The following DACH1 variants were observed in gnomAD, a reference collection of about 807,000 sequenced individuals.
DACH1 encodes dachshund homolog 1.
In DACH1, 12 loss-of-function variants were observed where a neutral mutation model predicts 54.2. The ratio of observed to expected loss-of-function variants is 0.22; its 90% CI spans 0.14 to 0.36. The LOEUF is 0.36. DACH1 is among the 10% of genes least tolerant of loss of function. The probability of loss-of-function intolerance (pLI) is 1.00; values close to 1 mark genes in which losing one functional copy is unlikely to be tolerated. For synonymous variants in DACH1, 386 were observed against 366.2 expected (o/e 1.05, Z -0.62); for missense variants, 805 against 929.8 (o/e 0.87, Z 1.75).
chr13:71,860,584 T>C (rs1042755022), intron 1 of DACH1, among the ~76,000 whole-genome samples: 1 of 151,864 alleles, frequency 6.6e-6, no homozygotes, highest in African/African-American at 2.4e-5. Context: ...GAAATCTAGA[T>C]GACTCACCTG....
chr13:71,852,364 C>CTTT (rs71748292), intron 1 of DACH1, among the ~76,000 whole-genome samples: 1 of 145,316 alleles, frequency 6.9e-6, no homozygotes, highest in Non-Finnish European at 1.5e-5. Context: ...TAAAGTGCTG[C>CTTT]TTTTTTTTTT....
chr13:71,513,528 G>A (rs1880938627), intron 6 of DACH1, among the ~76,000 whole-genome samples: 2 of 151,998 alleles, frequency 1.3e-5, no homozygotes, highest in South Asian at 4.1e-4. Flanking sequence ...GATTCAGTGT[G>A]TAATATGATG....
At chr13:71,537,089 C>T (rs1451861636) in intron 6 of DACH1, among the ~76,000 whole-genome samples, 2 of 152,066 alleles carry the variant, frequency 1.3e-5, no homozygotes, top group East Asian at 3.9e-4. Context: ...GATCACTTCC[C>T]TACCTCCCTG....
chr13:71,667,204 A>G (rs1215403555), intron 2 of DACH1, among the ~76,000 whole-genome samples: 1 of 152,178 alleles, frequency 6.6e-6, no homozygotes, highest in Non-Finnish European at 1.5e-5. Flanking sequence ...TACAGATAAA[A>G]GAAACATGGC....
At chr13:71,570,256 T>C (rs949384238) in intron 4 of DACH1, among the ~76,000 whole-genome samples, 1 of 152,196 alleles carries the variant, frequency 6.6e-6, no homozygotes, top group African/African-American at 2.4e-5. Context: ...TGTGGATGTC[T>C]TTAAGCATCT....
chr13:71,498,639 A>C lies in DACH1; in HGVS notation c.1571-9491T>G, dbSNP rs1404803088. Among the ~76,000 whole-genome samples the C allele has an allele frequency of 3.8e-5, 5 of 130,396 alleles. No homozygotes were observed. In the East Asian group the frequency reaches 1.2e-3, roughly 31 times the overall value. 85.5% of individuals were successfully genotyped at this position (130,396 alleles called of 152,430 possible). A position where few individuals can be genotyped will look rare whatever the true frequency, so the allele number is the denominator to read the frequency against. On this transcript the variant is annotated intron_variant, in intron 6 of 10. Coordinates refer to ENST00000613252, the MANE Select transcript of DACH1 (RefSeq NM_080759.6). ...GAAGAGATTCTGTTTAGATGATGTG[A>C]GTTGAAAGGGGAAAGAAGAAAAAAA...
In DACH1 at chr13:71,440,463, T is replaced by C. The variant is rs1873913055; in HGVS notation, c.*192A>G. The stretch of plus-strand genomic sequence containing the variant: ...TACAAACATTCTCAGGTCTCTGGTA[T>C]GAACCACAGGTGAAAATCAATGGAG... On this transcript the variant is annotated 3_prime_UTR_variant, in exon 11 of 11. Transcript: ENST00000613252. The C allele has an allele frequency of 1.3e-5, 7 of 519,408 alleles. No individual in the cohort carries two copies. The South Asian group carries it at 1.7e-4, about 13-fold the overall frequency. 32.2% of individuals were successfully genotyped at this position (519,408 alleles called of 1,614,324 possible). A position where few individuals can be genotyped will look rare whatever the true frequency, so the allele number is the denominator to read the frequency against.
intron 3 of DACH1, among the ~76,000 whole-genome samples, chr13:71,614,513 A>G (rs1875605367): frequency 6.6e-6 from 1 of 152,126 alleles, no homozygotes; most frequent in Non-Finnish European, 1.5e-5. Flanking sequence ...AAGTGACACC[A>G]AGGCTAAGGA....
At chr13:71,563,240 C>T (rs1317893551) in intron 4 of DACH1, among the ~76,000 whole-genome samples, 2 of 152,078 alleles carry the variant, frequency 1.3e-5, no homozygotes, top group Non-Finnish European at 2.9e-5. Context: ...CACATCAATG[C>T]TTATCTATCA....
At chr13:71,449,453 C>CTTAT (rs772459733) in intron 10 of DACH1, among the ~76,000 whole-genome samples, 40 of 152,022 alleles carry the variant, frequency 2.6e-4, no homozygotes, top group Non-Finnish European at 4.0e-4. Flanking sequence ...CATGTTCTCA[C>CTTAT]TTATAAGTGG....
At chr13:71,492,091 T>A (rs995839675) in intron 6 of DACH1, among the ~76,000 whole-genome samples, 1 of 152,210 alleles carries the variant, frequency 6.6e-6, no homozygotes, top group African/African-American at 2.4e-5. Flanking sequence ...TCTTGTTTTT[T>A]TTTGTTTTCT....
chr13:71,552,993 C>T (rs1883983776), intron 6 of DACH1, among the ~76,000 whole-genome samples: 2 of 147,554 alleles, frequency 1.4e-5, no homozygotes, highest in East Asian at 2.0e-4. Flanking sequence ...ACCAGCCTGG[C>T]CAACATCGTG....
chr13:71,478,569 T>C (rs1877773310), intron 8 of DACH1, among the ~76,000 whole-genome samples: 1 of 152,122 alleles, frequency 6.6e-6, no homozygotes, highest in Non-Finnish European at 1.5e-5. Flanking sequence ...CACCATACAG[T>C]GTGACAAAAG....
At chr13:71,815,663 T>C (rs1463410442) in intron 1 of DACH1, among the ~76,000 whole-genome samples, 1 of 152,192 alleles carries the variant, frequency 6.6e-6, no homozygotes, top group African/African-American at 2.4e-5. Flanking sequence ...TCCCAAGTAA[T>C]TAAAACTCAA....
At chr13:71,540,991 T>C (rs1048713159) in intron 6 of DACH1, among the ~76,000 whole-genome samples, 1 of 151,956 alleles carries the variant, frequency 6.6e-6, no homozygotes, top group East Asian at 1.9e-4. Context: ...GTTTTTTATT[T>C]TATGTATTGT....
intron 1 of DACH1, among the ~76,000 whole-genome samples, chr13:71,781,915 T>C (rs1241032010): frequency 6.6e-6 from 1 of 152,176 alleles, no homozygotes; most frequent in East Asian, 1.9e-4. Context: ...TTTTAAAATG[T>C]TGAATTGGAT....
intron 6 of DACH1, among the ~76,000 whole-genome samples, chr13:71,523,868 T>C (rs1293160724): frequency 6.6e-6 from 1 of 152,118 alleles, no homozygotes; most frequent in Non-Finnish European, 1.5e-5. Flanking sequence ...CCAAAAACTG[T>C]TTGCCACCAG....
At chr13:71,513,915 T>C (rs1232780156) in intron 6 of DACH1, among the ~76,000 whole-genome samples, 1 of 152,064 alleles carries the variant, frequency 6.6e-6, no homozygotes, top group Non-Finnish European at 1.5e-5. Flanking sequence ...ACAGGGGCCA[T>C]ATGGCAAGTT....
At chr13:71,779,120 CACATATAT>C (rs1236251406) in intron 1 of DACH1, among the ~76,000 whole-genome samples, 1,467 of 136,054 alleles carry the variant, frequency 0.011, 24 homozygotes, top group African/African-American at 0.033. Flanking sequence ...TACATATATA[CACATATAT>C]ACATATATAC....
Sources: allele counts gnomAD v4.1 joint callset (sites outside exome capture counted in the v4.1 genomes callset), GRCh38; gene constraint gnomAD v4.1.1; transcripts MANE v1.5; gene names NCBI Gene and HGNC (gene_info 2026-07-23, HGNC 2026-07-21).